The following RASSF8 variants were observed in gnomAD, a reference collection of about 807,000 sequenced individuals.
RASSF8 encodes ras association domain-containing protein 8.
A neutral mutation model predicts 48.5 loss-of-function variants in RASSF8; 22 were observed. The ratio of observed to expected loss-of-function variants is 0.45; its 90% confidence interval spans 0.32 to 0.65. The LOEUF (loss-of-function observed/expected upper bound fraction) is 0.65, where lower values mean the gene tolerates loss of function less well. Among genes scored for constraint, RASSF8 ranks in the 30% least tolerant of loss-of-function variants. The pLI is 0.03. For synonymous variants in RASSF8, 127 were observed against 171.5 expected (o/e 0.74, Z 2.03); for missense variants, 418 against 489.2 (o/e 0.85, Z 1.37).
chr12:26,011,488 A>T (rs1942523849), intron 2 of RASSF8, among the ~76,000 whole-genome samples: 1 of 152,168 alleles, frequency 6.6e-6, no homozygotes, highest in Admixed American at 6.5e-5. Context: ...GAGTCAAGTA[A>T]CTATGATAAC....
intron 2 of RASSF8, among the ~76,000 whole-genome samples, chr12:26,024,902 A>G (rs935440248): frequency 2.0e-5 from 3 of 152,130 alleles, no homozygotes; most frequent in Admixed American, 6.6e-5. Flanking sequence ...GCTTGCAGTG[A>G]GCCAAGATTG....
chr12:25,960,634 G>C (rs1941209049), intron 1 of RASSF8, among the ~76,000 whole-genome samples: 1 of 152,206 alleles, frequency 6.6e-6, no homozygotes, highest in Non-Finnish European at 1.5e-5. Context: ...TTGTAATACA[G>C]ATGATAAAAC....
At chr12:26,075,598 G>A (rs139738163), downstream of RASSF8, among the ~76,000 whole-genome samples, 815 of 152,120 alleles carry the variant, frequency 5.4e-3, 4 homozygotes, top group African/African-American at 0.018. Context: ...GGTGATAGAG[G>A]GTCTGACATG....
At chr12:26,003,364 T>C (rs550520858) in intron 2 of RASSF8, among the ~76,000 whole-genome samples, 81 of 152,378 alleles carry the variant, frequency 5.3e-4, no homozygotes, top group Non-Finnish European at 1.0e-3. Context: ...GCTCGTGTTT[T>C]GTTGAAGATT....
chr12:26,005,164 GGTGTGTGTGT>G (rs34419551), intron 2 of RASSF8, among the ~76,000 whole-genome samples: 238 of 149,984 alleles, frequency 1.6e-3, no homozygotes, highest in African/African-American at 5.7e-3. Context: ...TTACGGATGG[GGTGTGTGTGT>G]GTGTGTGTGT....
At chr12:26,019,414 T>C (rs536266532) in intron 2 of RASSF8, among the ~76,000 whole-genome samples, 4 of 152,320 alleles carry the variant, frequency 2.6e-5, no homozygotes, top group Non-Finnish European at 5.9e-5. Flanking sequence ...CATGAAATTA[T>C]ATATTAAATA....
intron 2 of RASSF8, among the ~76,000 whole-genome samples, chr12:26,054,731 GT>G (rs993274677): frequency 6.0e-5 from 9 of 150,486 alleles, no homozygotes; most frequent in Admixed American, 4.6e-4. Flanking sequence ...ACAGGTAGCA[GT>G]TTTTTTGTTT....
At chr12:25,993,200 AAAAGTTTAAG>A (rs1388946911) in intron 1 of RASSF8, among the ~76,000 whole-genome samples, 1 of 152,212 alleles carries the variant, frequency 6.6e-6, no homozygotes, top group Admixed American at 6.5e-5. Context: ...TTGCAATTAT[AAAAGTTTAAG>A]AAAGAGAGAT....
intron 1 of RASSF8, among the ~76,000 whole-genome samples, chr12:25,961,808 C>G (rs1350928159): frequency 6.6e-6 from 1 of 152,184 alleles, no homozygotes; most frequent in Non-Finnish European, 1.5e-5. Context: ...CATTTTTCAT[C>G]TCATCCATCC....
chr12:26,053,366 T>C (rs911519878), intron 2 of RASSF8, among the ~76,000 whole-genome samples: 1 of 152,168 alleles, frequency 6.6e-6, no homozygotes, highest in African/African-American at 2.4e-5. Context: ...TAAAGCAATA[T>C]ATTAATCTTA....
intron 2 of RASSF8, among the ~76,000 whole-genome samples, chr12:26,024,564 A>G (rs1213501267): frequency 6.6e-6 from 1 of 152,218 alleles, no homozygotes; most frequent in East Asian, 1.9e-4. Context: ...AATTCTCAAA[A>G]AACACTTGCA....
intron 2 of RASSF8, among the ~76,000 whole-genome samples, chr12:26,034,837 T>TAA (rs369281257): frequency 2.7e-5 from 4 of 150,748 alleles, no homozygotes; most frequent in African/African-American, 7.4e-5. Flanking sequence ...TAAGCTACAT[T>TAA]AAAAAAAAAC....
intron 1 of RASSF8, among the ~76,000 whole-genome samples, chr12:25,983,862 C>T (rs1056296882): frequency 5.3e-5 from 8 of 152,112 alleles, no homozygotes; most frequent in Non-Finnish European, 1.0e-4. Context: ...CCATAAACAG[C>T]GAGCCTCAAC....
Position 26,035,940 on chromosome 12 carries a change from T to TA in RASSF8, c.-108-19295dup, listed in dbSNP as rs1300547367. Among the ~76,000 whole-genome samples, 240 of 146,682 alleles carry TA rather than the reference T, an allele frequency of 1.6e-3. 1 individual carries two copies. The highest frequency in any genetic ancestry group is 5.6e-3 in the African/African-American group (226 of 40,476). On this transcript the variant is annotated intron_variant, in intron 2 of 5. Transcript: ENST00000689635. Reference sequence around the variant, plus strand: ...TATATGATATATATCATATATTTCATATATTTTTATATATTATATATTTAT... The same window carrying TA: ...TATATGATATATATCATATATTTCATAATATTTTTATATATTATATATTTAT...
At chr12:26,018,030 A>G (rs1942692973) in intron 2 of RASSF8, among the ~76,000 whole-genome samples, 1 of 152,234 alleles carries the variant, frequency 6.6e-6, no homozygotes, top group Non-Finnish European at 1.5e-5. Flanking sequence ...AAATGTCTGT[A>G]AGAGTTATAT....
chr12:26,002,235 C>A (rs1399862492), intron 2 of RASSF8, among the ~76,000 whole-genome samples: 1 of 151,088 alleles, frequency 6.6e-6, no homozygotes, highest in Non-Finnish European at 1.5e-5. Flanking sequence ...CAGTTTGAGA[C>A]CAGCCTGGCC....
intron 1 of RASSF8, among the ~76,000 whole-genome samples, chr12:25,984,873 G>A (rs1592233066): frequency 2.0e-5 from 3 of 152,204 alleles, no homozygotes; most frequent in Admixed American, 2.0e-4. Context: ...AAAAGTCAAG[G>A]CAGGATTAAC....
At chr12:26,073,815 TACACATACACACACAC>T (rs1207071289), downstream of RASSF8, among the ~76,000 whole-genome samples, 2 of 85,756 alleles carry the variant, frequency 2.3e-5, no homozygotes, top group African/African-American at 1.4e-4. Context: ...CACATATATA[TACACATACACACACAC>T]ACACACACAC....
At chr12:26,079,096 A>G (rs1232352679) in exon 6 of RASSF8, 1 of 1,512,528 alleles carries the variant, frequency 6.6e-7, no homozygotes. Flanking sequence ...AAGCTCAGGC[A>G]AGAAAAGCAA....
Sources: gnomAD v4.1 joint callset for allele counts (sites outside exome capture counted in the v4.1 genomes callset) on GRCh38, gnomAD v4.1.1 for gene constraint, MANE v1.5 for transcripts, NCBI Gene and HGNC (gene_info 2026-07-23, HGNC 2026-07-21) for gene names.